The following DOK7 variants were observed in gnomAD, a reference collection of about 807,000 sequenced individuals.
The protein encoded by DOK7 is docking protein 7, also known as protein Dok-7.
A neutral mutation model predicts 30.7 loss-of-function variants in DOK7; 32 were observed. The observed-to-expected ratio is 1.04, with a 90% confidence interval of 0.79 to 1.40. The LOEUF is 1.40. Among genes scored for constraint, DOK7 ranks in the 40% most tolerant of loss-of-function variants. The probability of loss-of-function intolerance (pLI) is 0.00; values close to 1 mark genes in which losing one functional copy is unlikely to be tolerated. For synonymous variants in DOK7, 447 were observed against 324.1 expected (o/e 1.38, Z -4.07); for missense variants, 1,007 against 699.2 (o/e 1.44, Z -4.97).
chr4:3,492,808 C>T lies in DOK7; in HGVS notation c.822C>T (p.Asp274=), dbSNP rs141732576. The change falls in exon 7 of 7, where the codon GAC becomes GAT. Residue 274 remains aspartate (D), a synonymous_variant. Transcript: ENST00000340083. The part of the protein sequence containing the change: ...SSSSSEASHL[D]VSASSRLTAW... ...CATCCTCAGAGGCCAGTCACTTGGA[C>T]GTCAGCGCCAGCAGCCGGCTCACCG... 42 of 1,612,588 alleles carry T rather than the reference C, an allele frequency of 2.6e-5. No individual in the cohort carries two copies. The highest frequency in any genetic ancestry group is 1.1e-4 in the African/African-American group (8 of 74,918).
intron 2 of DOK7, among the ~76,000 whole-genome samples, chr4:3,471,185 T>C (rs1002800787): frequency 2.6e-5 from 4 of 152,224 alleles, no homozygotes; most frequent in Non-Finnish European, 5.9e-5. Context: ...CGCAGACAGA[T>C]GTGTACCTGA....
intron 2 of DOK7, among the ~76,000 whole-genome samples, chr4:3,464,283 C>A (rs956408963): frequency 6.6e-6 from 1 of 152,188 alleles, no homozygotes; most frequent in Non-Finnish European, 1.5e-5. Context: ...TGCCAGAGCA[C>A]CCTCCAGGAC....
At chr4:3,497,750 G>A (rs879465304), downstream of DOK7, among the ~76,000 whole-genome samples, 50 of 152,122 alleles carry the variant, frequency 3.3e-4, no homozygotes, top group African/African-American at 1.1e-3. Flanking sequence ...GGATGGGGGC[G>A]GAGCCACAGG....
intron 4 of DOK7, among the ~76,000 whole-genome samples, chr4:3,479,634 G>A (rs951731632): frequency 6.6e-6 from 1 of 152,248 alleles, no homozygotes; most frequent in African/African-American, 2.4e-5. Context: ...GAGCAGAGAG[G>A]GTGACCCTGG....
chr4:3,497,572 C>CAA (rs1276782768), downstream of DOK7, among the ~76,000 whole-genome samples: 1 of 152,134 alleles, frequency 6.6e-6, no homozygotes, highest in Non-Finnish European at 1.5e-5. Flanking sequence ...AGGGCCAGTT[C>CAA]TGTGCCTGTT....
intron 4 of DOK7, among the ~76,000 whole-genome samples, chr4:3,479,019 C>G (rs931610406): frequency 1.3e-5 from 2 of 152,182 alleles, no homozygotes; most frequent in African/African-American, 4.8e-5. Flanking sequence ...GCTTCTGTAG[C>G]AGATGACCCC....
At chr4:3,472,577 C>T (rs1726821141) in intron 2 of DOK7, among the ~76,000 whole-genome samples, 1 of 152,254 alleles carries the variant, frequency 6.6e-6, no homozygotes, top group African/African-American at 2.4e-5. Context: ...GCTGCCCCCG[C>T]CATTCACAGG....
At chr4:3,490,148 T>TGC (rs1728148561) in intron 6 of DOK7, among the ~76,000 whole-genome samples, 3 of 88,060 alleles carry the variant, frequency 3.4e-5, no homozygotes, top group African/African-American at 1.2e-4. Context: ...CATTCCTTCC[T>TGC]TCCCCACCCT....
intron 7 of DOK7, chr4:3,500,502 G>T: frequency 6.7e-7 from 1 of 1,492,672 alleles, no homozygotes; most frequent in Non-Finnish European, 8.9e-7. Flanking sequence ...CCTTGGCCAG[G>T]GAGCTTTTCC....
downstream of DOK7, among the ~76,000 whole-genome samples, chr4:3,495,346 C>T (rs1728848962): frequency 1.3e-5 from 2 of 152,208 alleles, no homozygotes; most frequent in Non-Finnish European, 2.9e-5. Context: ...CACGCTCAGC[C>T]CTCTGTGTTC....
intron 5 of DOK7, among the ~76,000 whole-genome samples, 166 bp downstream of exon 5, chr4:3,485,824 C>T (rs912198566): frequency 6.6e-6 from 1 of 152,278 alleles, no homozygotes; most frequent in African/African-American, 2.4e-5. Context: ...GCCTGGGCTT[C>T]TGCAAGCCCT....
At position 3,493,438 on chromosome 4, in the gene DOK7, AC is replaced by A. The variant is rs1577184455; in HGVS notation, c.1457del (p.Pro486ArgfsTer15). 5.0e-6 allele frequency: 8 copies of A among 1,606,370 alleles called. No homozygotes were observed. The highest frequency in any genetic ancestry group is 1.7e-5 in the Admixed American group (1 of 59,464). ...AAGCAGGCGGCCCCCACGCGGGGCCACCCCCGGCTTTCTTTTCGGCATGTCC... is the reference window on the plus strand; with the variant it reads ...AAGCAGGCGGCCCCCACGCGGGGCCACCCCGGCTTTCTTTTCGGCATGTCC... ...WEAGGPHAGP[P>X]PAFFSACPVC... On this transcript the variant is annotated frameshift_variant, in exon 7 of 7. Transcript: ENST00000340083. LOFTEE classifies it high-confidence loss of function.
intron 2 of DOK7, among the ~76,000 whole-genome samples, chr4:3,470,187 G>T (rs35444642): frequency 0.13 from 19,223 of 152,226 alleles, 1,329 homozygotes; most frequent in Middle Eastern, 0.18. Flanking sequence ...TCCAGTCCCT[G>T]CCTCCGTCCC....
chr4:3,493,614 CG>C lies in DOK7; in HGVS notation c.*118del. 6.6e-7 allele frequency: 1 copy of C among 1,507,338 alleles called. No individual in the cohort carries two copies. The highest frequency in any genetic ancestry group is 2.2e-5 in the Admixed American group (1 of 45,522). The allele number at this position is 1,507,338 out of a possible 1,614,324, so 93.4% of individuals were successfully genotyped here. On this transcript the variant is annotated 3_prime_UTR_variant, in exon 7 of 7. Transcript: ENST00000340083. ...GTGCTCTGTGTTCTGTGGGAGGGACCGGGGGTCTCCCGGAGAGGGGAGCTGG... is the reference window on the plus strand; with the variant it reads ...GTGCTCTGTGTTCTGTGGGAGGGACCGGGGTCTCCCGGAGAGGGGAGCTGG...
intron 6 of DOK7, among the ~76,000 whole-genome samples, chr4:3,490,855 C>G (rs1179832627): frequency 9.6e-6 from 1 of 104,036 alleles, no homozygotes; most frequent in African/African-American, 4.0e-5. Context: ...CCTTCCCCCC[C>G]ACTCATTTCA....
chr4:3,495,792 C>CG (rs1250618632), downstream of DOK7, among the ~76,000 whole-genome samples: 1 of 152,000 alleles, frequency 6.6e-6, no homozygotes, highest in Non-Finnish European at 1.5e-5. Context: ...ACCCGCCTGC[C>CG]CCCACCGGGA....
chr4:3,490,848 T>TC (rs1290492198), intron 6 of DOK7, among the ~76,000 whole-genome samples: 29 of 83,724 alleles, frequency 3.5e-4, no homozygotes, highest in African/African-American at 1.1e-3. Flanking sequence ...ATTCCTTCCT[T>TC]CCCCCCCACT....
downstream of DOK7, among the ~76,000 whole-genome samples, chr4:3,498,870 T>C (rs1215728884): frequency 2.0e-5 from 3 of 152,212 alleles, no homozygotes; most frequent in Non-Finnish European, 4.4e-5. Context: ...CAGAATTGTG[T>C]TGGTTGCTTT....
chr4:3,473,716 G>A (rs1277501758), intron 3 of DOK7, 80 bp downstream of exon 3: 2 of 1,339,470 alleles, frequency 1.5e-6, no homozygotes, highest in South Asian at 1.4e-5. Context: ...GGCTGCAGAG[G>A]TGGGAGCGGC....
Sources: gnomAD v4.1 joint callset for allele counts (sites outside exome capture counted in the v4.1 genomes callset) on GRCh38, gnomAD v4.1.1 for gene constraint, MANE v1.5 for transcripts, NCBI Gene and HGNC (gene_info 2026-07-23, HGNC 2026-07-21) for gene names.